OGDH: variants seen among roughly 807,000 people sequenced by gnomAD.
The protein encoded by OGDH is oxoglutarate dehydrogenase.
OGDH carries 38 observed loss-of-function variants against 116.6 expected under a neutral mutation model. The ratio of observed to expected loss-of-function variants is 0.33; its 90% confidence interval spans 0.25 to 0.43. OGDH has a LOEUF of 0.43. Among genes scored for constraint, OGDH ranks in the 20% least tolerant of loss-of-function variants. The probability of loss-of-function intolerance (pLI) is 1.00; values close to 1 mark genes in which losing one functional copy is unlikely to be tolerated. For synonymous variants in OGDH, 488 were observed against 533.3 expected (o/e 0.92, Z 1.17); for missense variants, 825 against 1,357.2 (o/e 0.61, Z 6.16).
At chr7:44,610,028 C>G (rs760143108) in intron 1 of OGDH, among the ~76,000 whole-genome samples, 9 of 152,246 alleles carry the variant, frequency 5.9e-5, no homozygotes, top group Non-Finnish European at 1.0e-4. Context: ...GTTGCCCAGG[C>G]TGGTCTTGAA....
chr7:44,629,486 T>TGCTTTCCTCTGCCCTGC (rs1785337484), intron 2 of OGDH, among the ~76,000 whole-genome samples: 2 of 152,194 alleles, frequency 1.3e-5, no homozygotes, highest in Non-Finnish European at 2.9e-5. Flanking sequence ...CTCTGCTCTG[T>TGCTTTCCTCTGCCCTGC]GCTTTCCTCT....
intron 3 of OGDH, 115 bp from the exon 4 acceptor site, chr7:44,647,542 T>C: frequency 6.5e-7 from 1 of 1,548,194 alleles, no homozygotes; most frequent in Non-Finnish European, 8.7e-7. Flanking sequence ...TGGGTGAGAA[T>C]TAAGCTGTAA....
At chr7:44,644,414 A>G (rs963567451) in intron 2 of OGDH, among the ~76,000 whole-genome samples, 1 of 152,240 alleles carries the variant, frequency 6.6e-6, no homozygotes, top group Non-Finnish European at 1.5e-5. Context: ...ATATAAGTAA[A>G]TTAGTTTATA....
At chr7:44,676,231 A>T in intron 9 of OGDH, 82 bp downstream of exon 9, 1 of 1,612,458 alleles carries the variant, frequency 6.2e-7, no homozygotes, top group Non-Finnish European at 8.5e-7. Context: ...AACATAACCC[A>T]GAGCCCTGGG....
intron 2 of OGDH, among the ~76,000 whole-genome samples, chr7:44,637,220 A>G (rs1785709823): frequency 6.6e-6 from 1 of 152,100 alleles, no homozygotes. Flanking sequence ...CTCTTTGGCC[A>G]AATGTCTTCT....
rs370545508 is a variant in OGDH at position 44,645,116 on chromosome 7, C to T, written c.223-211C>T. Among the ~76,000 whole-genome samples, 75 of 152,162 alleles carry T rather than the reference C, an allele frequency of 4.9e-4. 1 individual carries two copies. The South Asian group carries it at 0.015, about 30-fold the overall frequency. Reference sequence around the variant, plus strand: ...GCTGTGGGGGTCAGAAAGTGCATCCCGAAGACAAAAGTTGTGGAAAGCAGG... The same window carrying T: ...GCTGTGGGGGTCAGAAAGTGCATCCTGAAGACAAAAGTTGTGGAAAGCAGG... On this transcript the variant is annotated intron_variant, in intron 2 of 22. Transcript: ENST00000222673.
At chr7:44,706,927 A>C (rs923451852) in intron 20 of OGDH, among the ~76,000 whole-genome samples, 1 of 152,110 alleles carries the variant, frequency 6.6e-6, no homozygotes, top group African/African-American at 2.4e-5. Flanking sequence ...CCCGGCCGGG[A>C]TGTTTTAATA....
chr7:44,689,352 A>T (rs144176951), intron 10 of OGDH, among the ~76,000 whole-genome samples: 7 of 126,588 alleles, frequency 5.5e-5, no homozygotes, highest in Non-Finnish European at 1.1e-4. Context: ...AGTAGCTGGG[A>T]TTACAGGCAC....
chr7:44,686,689 CTTT>C (rs35917984), intron 10 of OGDH, among the ~76,000 whole-genome samples: 4 of 133,238 alleles, frequency 3.0e-5, no homozygotes, highest in African/African-American at 5.7e-5. Context: ...TTCTTTTTTT[CTTT>C]TTTTTTTTTT....
intron 10 of OGDH, among the ~76,000 whole-genome samples, chr7:44,686,023 A>G (rs911864127): frequency 6.7e-6 from 1 of 148,396 alleles, no homozygotes; most frequent in Non-Finnish European, 1.5e-5. Context: ...GTAACTGCTT[A>G]TTAGTTCTAA....
At chr7:44,687,132 C>G (rs1788167420) in intron 10 of OGDH, among the ~76,000 whole-genome samples, 1 of 122,500 alleles carries the variant, frequency 8.2e-6, no homozygotes, top group Non-Finnish European at 1.6e-5. Flanking sequence ...GAGTCTGGCT[C>G]TGTCACCCAG....
At chr7:44,692,578 G>A (rs1451540690) in intron 10 of OGDH, among the ~76,000 whole-genome samples, 1 of 152,196 alleles carries the variant, frequency 6.6e-6, no homozygotes, top group Non-Finnish European at 1.5e-5. Context: ...GTTGGGATTT[G>A]TTCATGTTAG....
chr7:44,608,129 G>A (rs776152827), intron 1 of OGDH, among the ~76,000 whole-genome samples: 5 of 152,124 alleles, frequency 3.3e-5, no homozygotes, highest in Non-Finnish European at 7.3e-5. Flanking sequence ...TCGGCCAGTC[G>A]TGGTGGCTCA....
intron 9 of OGDH, among the ~76,000 whole-genome samples, chr7:44,679,380 T>TA (rs1241306826): frequency 6.6e-6 from 1 of 152,184 alleles, no homozygotes; most frequent in African/African-American, 2.4e-5. Context: ...ACCAGATCCT[T>TA]ACGTCCACAT....
chr7:44,664,058 A>T (rs1265334276), intron 4 of OGDH, among the ~76,000 whole-genome samples: 5 of 152,178 alleles, frequency 3.3e-5, no homozygotes, highest in African/African-American at 7.2e-5. Context: ...ATTCACTATG[A>T]GATATTCCTG....
chr7:44,708,851 C>T lies in OGDH; in HGVS notation c.*852C>T, dbSNP rs1003628110. 2.0e-5 allele frequency: 3 copies of T among 152,136 alleles called. No individual in the cohort carries two copies. Among genetic ancestry groups the T allele is most frequent in the Non-Finnish European group, 4.4e-5 (3 of 68,030 alleles). 9.4% of individuals were successfully genotyped at this position (152,136 alleles called of 1,614,324 possible). A position where few individuals can be genotyped will look rare whatever the true frequency, so the allele number is the denominator to read the frequency against. On this transcript the variant is annotated 3_prime_UTR_variant, in exon 23 of 23. Transcript: ENST00000222673. ...ACCCAATGGAGACTTTCTGATGCATCGTTTTCTTTGCTGTGCCAAAGCAGG... is the reference window on the plus strand; with the variant it reads ...ACCCAATGGAGACTTTCTGATGCATTGTTTTCTTTGCTGTGCCAAAGCAGG...
In OGDH at chr7:44,697,239, C is replaced by T. The variant is rs985501523; in HGVS notation, c.2052-131C>T. The T allele has an allele frequency of 6.8e-6, 10 of 1,470,486 alleles. No homozygotes were observed. Among genetic ancestry groups the T allele is most frequent in the South Asian group, 2.5e-5 (2 of 78,436 alleles). The allele number at this position is 1,470,486 out of a possible 1,614,324, so 91.1% of individuals were successfully genotyped here. On this transcript the variant is annotated intron_variant, in intron 15 of 22. Transcript: ENST00000222673. This position sits in a 1 kb window ranked among gnomAD's most constrained non-coding sequence, Gnocchi z 6.0. ...GCTTCTGTTAAGACCTGGGTGGGGC[C>T]GACCCTGCAGCTGCCTGGCCAGAAG...
intron 1 of OGDH, among the ~76,000 whole-genome samples, chr7:44,618,716 T>TGAA (rs1784897124): frequency 6.6e-6 from 1 of 152,144 alleles, no homozygotes; most frequent in East Asian, 1.9e-4. Context: ...CTGCTTTTTC[T>TGAA]CCCCAAGGGA....
intron 2 of OGDH, among the ~76,000 whole-genome samples, chr7:44,632,969 T>C (rs1181602573): frequency 6.6e-6 from 1 of 151,558 alleles, no homozygotes; most frequent in African/African-American, 2.4e-5. Context: ...AATACCTTAA[T>C]GGGGCCAGGC....
Sources: allele counts gnomAD v4.1 joint callset (sites outside exome capture counted in the v4.1 genomes callset), GRCh38; gene constraint gnomAD v4.1.1; non-coding constraint Gnocchi (gnomAD v3.1); transcripts MANE v1.5; gene names NCBI Gene and HGNC (gene_info 2026-07-23, HGNC 2026-07-21).